The following BDP1 variants were observed in gnomAD, a reference collection of about 807,000 sequenced individuals.
BDP1 encodes the protein transcription factor TFIIIB component B'' homolog.
BDP1 carries 169 observed loss-of-function variants against 266.6 expected under a neutral mutation model. That is an observed-to-expected ratio of 0.63 (90% CI 0.56 to 0.72). BDP1 has a LOEUF of 0.72. Ranked by LOEUF, BDP1 falls within the 30% of genes least tolerant of loss-of-function variation. The pLI is 0.00. For synonymous variants in BDP1, 1,090 were observed against 1,022.4 expected, an observed-to-expected ratio of 1.07 and a Z score of -1.26; for missense variants, 3,015 against 3,053.8, an observed-to-expected ratio of 0.99 and a Z score of 0.30.
At chr5:71,475,911 T>G (rs1290202309) in intron 7 of BDP1, 1 of 152,534 alleles carries the variant, frequency 6.6e-6, no homozygotes, top group African/African-American at 2.4e-5. Flanking sequence ...GATTGTGTGG[T>G]CAGCTTTCTC....
At chr5:71,509,413 A>G (rs1764764532) in intron 16 of BDP1, 52 bp from the exon 17 acceptor site, 8 of 1,495,630 alleles carry the variant, frequency 5.3e-6, no homozygotes, top group Non-Finnish European at 7.1e-6. Flanking sequence ...TCATCTCTTC[A>G]GCAGGCAGTC....
intron 12 of BDP1, 136 bp downstream of exon 12, chr5:71,495,544 T>C (rs1763834774): frequency 3.8e-6 from 2 of 520,556 alleles, no homozygotes; most frequent in South Asian, 4.4e-5. Flanking sequence ...TCATTTAATA[T>C]GTAATTATAC....
At chr5:71,540,000 A>G (rs540698237) in intron 28 of BDP1, among the ~76,000 whole-genome samples, 4 of 152,162 alleles carry the variant, frequency 2.6e-5, no homozygotes, top group Non-Finnish European at 5.9e-5. Context: ...TAGTTTATAC[A>G]TGTGTCTTTT....
intron 7 of BDP1, among the ~76,000 whole-genome samples, chr5:71,481,284 T>C (rs1299027599): frequency 7.3e-5 from 11 of 150,052 alleles, no homozygotes; most frequent in Admixed American, 7.3e-4. Flanking sequence ...GGCGCGGTGG[T>C]TCACACCTCT....
At chr5:71,458,462 ATTTTT>A in intron 1 of BDP1, 112 bp from the exon 2 acceptor site, 1 of 607,134 alleles carries the variant, frequency 1.6e-6, no homozygotes. Context: ...CAAGTTACTA[ATTTTT>A]TTTTTTTAAT....
At chr5:71,462,546 G>T (rs1406285539) in intron 3 of BDP1, among the ~76,000 whole-genome samples, 6 of 152,046 alleles carry the variant, frequency 3.9e-5, no homozygotes, top group Admixed American at 3.3e-4. Context: ...CTGAGTCCAG[G>T]AGTTTGAGAC....
At chr5:71,570,933 C>T (rs1311009426), downstream of BDP1, among the ~76,000 whole-genome samples, 2 of 152,104 alleles carry the variant, frequency 1.3e-5, no homozygotes, top group African/African-American at 4.8e-5. Flanking sequence ...CAGCAGGTTC[C>T]ATATCCTGAG....
chr5:71,526,116 G>T (rs565366010), intron 25 of BDP1, among the ~76,000 whole-genome samples: 1 of 152,302 alleles, frequency 6.6e-6, no homozygotes, highest in South Asian at 2.1e-4. Flanking sequence ...GTAGCGAGCC[G>T]AGATCACGCC....
chr5:71,468,306 A>G (rs1031923662), intron 6 of BDP1, among the ~76,000 whole-genome samples: 2 of 151,882 alleles, frequency 1.3e-5, no homozygotes, highest in Admixed American at 6.6e-5. Flanking sequence ...GGCATGAGCC[A>G]CCGCACCTGG....
chr5:71,530,505 A>G (rs1766174765), intron 25 of BDP1, among the ~76,000 whole-genome samples: 1 of 151,784 alleles, frequency 6.6e-6, no homozygotes, highest in Admixed American at 6.6e-5. Context: ...CAGCCTCCCA[A>G]AGTGCTGGGA....
chr5:71,556,749 A>C, intron 35 of BDP1, 137 bp from the exon 36 acceptor site: 1 of 477,816 alleles, frequency 2.1e-6, no homozygotes, highest in Non-Finnish European at 3.7e-6. Context: ...TTTTTGCCAT[A>C]AATGTTTAGT....
intron 25 of BDP1, among the ~76,000 whole-genome samples, chr5:71,525,575 G>A (rs1261738081): frequency 4.7e-5 from 4 of 85,212 alleles, no homozygotes; most frequent in African/African-American, 1.7e-4. Context: ...TGGGGCGGCT[G>A]GCCGGGCGGG....
chr5:71,499,480 A>G (rs561609159), intron 13 of BDP1, among the ~76,000 whole-genome samples: 109 of 152,264 alleles, frequency 7.2e-4, no homozygotes, highest in African/African-American at 2.5e-3. Flanking sequence ...TTAGCTGGGC[A>G]TTGTGACACA....
At chr5:71,505,206 C>G (rs1364785970) in intron 16 of BDP1, among the ~76,000 whole-genome samples, 1 of 152,034 alleles carries the variant, frequency 6.6e-6, no homozygotes, top group Non-Finnish European at 1.5e-5. Flanking sequence ...AGGGTTTTAC[C>G]ATGTTGGCCA....
chr5:71,536,123 T>G (rs1211058617), intron 26 of BDP1, among the ~76,000 whole-genome samples: 1 of 152,196 alleles, frequency 6.6e-6, no homozygotes, highest in Non-Finnish European at 1.5e-5. Context: ...TTATTCCTGA[T>G]CTTAGGGGTA....
rs1765533156 is a variant in BDP1 at position 71,522,287 on chromosome 5, A to G, written c.4992-2A>G. The G allele has an allele frequency of 1.9e-6, 3 of 1,609,720 alleles. No individual in the cohort carries two copies. Among genetic ancestry groups the G allele is most frequent in the African/African-American group, 2.7e-5 (2 of 74,692 alleles). ...TTCAACATGATTCATACTTCATTCT[A>G]GACATGAAAATAAACCGTATGTTCC... On this transcript the variant is annotated splice_acceptor_variant, in intron 22 of 38. Coordinates refer to ENST00000358731, the MANE Select transcript of BDP1 (RefSeq NM_018429.3). LOFTEE classifies it high-confidence loss of function.
chr5:71,466,697 TATAAC>T (rs1185001316), intron 5 of BDP1, among the ~76,000 whole-genome samples: 1 of 152,212 alleles, frequency 6.6e-6, no homozygotes, highest in Non-Finnish European at 1.5e-5. Flanking sequence ...ATTTCTCAGT[TATAAC>T]ATTAAATTTT....
the BDP1 span, among the ~76,000 whole-genome samples, chr5:71,576,325 C>G: frequency 1.3e-5 from 2 of 152,188 alleles, no homozygotes; most frequent in African/African-American, 4.8e-5. Flanking sequence ...AACAGTTAGA[C>G]TCTCAGAATA....
intron 16 of BDP1, among the ~76,000 whole-genome samples, chr5:71,508,577 C>T (rs1232515314): frequency 2.0e-5 from 3 of 151,952 alleles, no homozygotes; most frequent in Non-Finnish European, 2.9e-5. Flanking sequence ...AAGCATCATG[C>T]CCAGCTCAAT....
Sources: gnomAD v4.1 joint callset for allele counts (sites outside exome capture counted in the v4.1 genomes callset) on GRCh38, gnomAD v4.1.1 for gene constraint, MANE v1.5 for transcripts, NCBI Gene and HGNC (gene_info 2026-07-23, HGNC 2026-07-21) for gene names.